CFAP107: variants seen among roughly 807,000 people sequenced by gnomAD.
CFAP107 encodes the protein cilia and flagella associated protein 107.
At chr1:12,762,279 A>G in the CFAP107 span, 2 of 151,460 alleles carry the variant, frequency 1.3e-5, no homozygotes, top group Non-Finnish European at 2.9e-5. Context: ...TAAGTCCTCT[A>G]TGTTTGTTGG....
chr1:12,757,302 A>G, the CFAP107 span, among the ~76,000 whole-genome samples: 25 of 152,202 alleles, frequency 1.6e-4, no homozygotes, highest in South Asian at 5.0e-3. Context: ...CCAACAGAAC[A>G]GACGATGGAA....
chr1:12,756,650 C>A, the CFAP107 span, among the ~76,000 whole-genome samples: 2 of 152,200 alleles, frequency 1.3e-5, no homozygotes, highest in East Asian at 3.9e-4. Flanking sequence ...CCCACTCCCA[C>A]CCCACCTGAC....
At chr1:12,759,804 A>G in the CFAP107 span, among the ~76,000 whole-genome samples, 1 of 152,200 alleles carries the variant, frequency 6.6e-6, no homozygotes, top group African/African-American at 2.4e-5. Flanking sequence ...AATAATGACA[A>G]TATTTCCCAG....
the CFAP107 span, chr1:12,761,875 C>A: frequency 0.038 from 5,780 of 152,250 alleles, 364 homozygotes; most frequent in African/African-American, 0.13. Context: ...GAGGGGAGAA[C>A]CTCTGGTGAG....
the CFAP107 span, chr1:12,762,294 G>A: frequency 6.6e-6 from 1 of 151,286 alleles, no homozygotes; most frequent in Non-Finnish European, 1.5e-5. Context: ...TGTTGGATGA[G>A]TGAATGACAG....
At chr1:12,751,038 TG>T in the CFAP107 span, among the ~76,000 whole-genome samples, 1 of 151,312 alleles carries the variant, frequency 6.6e-6, no homozygotes, top group Non-Finnish European at 1.5e-5. Flanking sequence ...TAAACAACAC[TG>T]TTTTAAAAAA....
the CFAP107 span, among the ~76,000 whole-genome samples, chr1:12,749,912 A>G: frequency 6.6e-6 from 1 of 152,226 alleles, no homozygotes; most frequent in African/African-American, 2.4e-5. Context: ...CTGTGCAAAA[A>G]TATAAAGTTC....
chr1:12,747,791 G>C, the CFAP107 span, among the ~76,000 whole-genome samples: 1 of 152,126 alleles, frequency 6.6e-6, no homozygotes, highest in South Asian at 2.1e-4. Flanking sequence ...AATACCTTCA[G>C]GTGCCCATGG....
At chr1:12,759,220 A>T in the CFAP107 span, 1 of 1,438,752 alleles carries the variant, frequency 7.0e-7, no homozygotes, top group Non-Finnish European at 9.6e-7. Flanking sequence ...AGCACCACAG[A>T]CCCCTACATG....
At chr1:12,746,601 G>T in the CFAP107 span, 1 of 1,242,764 alleles carries the variant, frequency 8.0e-7, no homozygotes, top group South Asian at 1.2e-5. Context: ...AGAGGCAGGA[G>T]TGAAGTTCAT....
chr1:12,754,818 A>G, the CFAP107 span, among the ~76,000 whole-genome samples: 2 of 152,192 alleles, frequency 1.3e-5, no homozygotes, highest in African/African-American at 4.8e-5. Context: ...AAGTTCATAC[A>G]GAGAAAGTAG....
chr1:12,756,246 C>T, the CFAP107 span, among the ~76,000 whole-genome samples: 4 of 152,192 alleles, frequency 2.6e-5, no homozygotes, highest in African/African-American at 4.8e-5. Flanking sequence ...ATCCACACAC[C>T]GTATTGACTG....
chr1:12,758,000 C>A, the CFAP107 span, among the ~76,000 whole-genome samples: 3 of 152,138 alleles, frequency 2.0e-5, no homozygotes, highest in Non-Finnish European at 4.4e-5. Context: ...TCCCCTAGGG[C>A]CCAGAGCCCA....
chr1:12,756,162 T>A, the CFAP107 span, among the ~76,000 whole-genome samples: 85 of 152,308 alleles, frequency 5.6e-4, no homozygotes, highest in Non-Finnish European at 1.0e-3. Flanking sequence ...CTGGCAGTGA[T>A]GTATTTGGAC....
At chr1:12,761,272 C>T in the CFAP107 span, 1 of 236,348 alleles carries the variant, frequency 4.2e-6, no homozygotes, top group Non-Finnish European at 8.1e-6. Flanking sequence ...GAAACTGAGG[C>T]CCGGAGAGGT....
chr1:12,763,644 CAT>C, the CFAP107 span: 3 of 152,306 alleles, frequency 2.0e-5, no homozygotes, highest in South Asian at 4.1e-4. Context: ...TAAAGCAACA[CAT>C]GTTTATTTGA....
the CFAP107 span, chr1:12,759,578 C>T: frequency 6.2e-6 from 9 of 1,446,116 alleles, 1 homozygote; most frequent in East Asian, 4.6e-5. Flanking sequence ...GAAGGAGCCA[C>T]ACAGGTGACC....
At chr1:12,755,926 C>A in the CFAP107 span, 1 of 684,456 alleles carries the variant, frequency 1.5e-6, no homozygotes, top group Non-Finnish European at 2.6e-6. Flanking sequence ...CAGGAGTAGT[C>A]TCATTAATAC....
At chr1:12,759,766 C>T in the CFAP107 span, 1 of 535,986 alleles carries the variant, frequency 1.9e-6, no homozygotes, top group Non-Finnish European at 3.4e-6. Context: ...ATCCACGCAT[C>T]CTTCCTCCCA....
Sources: allele counts gnomAD v4.1 joint callset (sites outside exome capture counted in the v4.1 genomes callset), GRCh38; gene constraint gnomAD v4.1.1; transcripts MANE v1.5; gene names NCBI Gene and HGNC (gene_info 2026-07-23, HGNC 2026-07-21).